Variants in SYT9 observed in about 807,000 individuals in gnomAD.
SYT9 encodes synaptotagmin 9, also known as synaptotagmin-9.
A neutral mutation model predicts 48.4 loss-of-function variants in SYT9; 22 were observed. The ratio of observed to expected loss-of-function variants is 0.45; its 90% CI spans 0.32 to 0.65. The LOEUF is 0.65. Among genes scored for constraint, SYT9 ranks in the 30% least tolerant of loss-of-function variants. SYT9 has a pLI of 0.03. For synonymous variants in SYT9, 265 were observed against 245.0 expected (o/e 1.08, Z -0.76); for missense variants, 577 against 622.0 (o/e 0.93, Z 0.77).
At position 7,407,676 on chromosome 11, in the gene SYT9, G is replaced by A. The variant is rs370429817; in HGVS notation, c.1045-8366G>A. Among the ~76,000 whole-genome samples the A allele has an allele frequency of 1.7e-4, 9 of 52,242 alleles. 1 individual carries two copies. The East Asian group carries it at 2.7e-3, about 15-fold the overall frequency. 34.3% of individuals were successfully genotyped at this position (52,242 alleles called of 152,430 possible). A position where few individuals can be genotyped will look rare whatever the true frequency, so the allele number is the denominator to read the frequency against. On this transcript the variant is annotated intron_variant, in intron 3 of 6. Coordinates refer to ENST00000318881, the MANE Select transcript of SYT9 (RefSeq NM_175733.4). ...ATTACAGGCGTGAGCCACCGCGCCC[G>A]GCCTTAAGTCTATAATTTATCTTCT...
intron 1 of SYT9, among the ~76,000 whole-genome samples, chr11:7,285,041 A>G (rs1848571134): frequency 6.6e-6 from 1 of 152,214 alleles, no homozygotes; most frequent in Non-Finnish European, 1.5e-5. Context: ...ACAAAAACTC[A>G]GCATGAGTTT....
chr11:7,367,561 C>A (rs1489152549), intron 3 of SYT9, among the ~76,000 whole-genome samples: 6 of 152,038 alleles, frequency 3.9e-5, no homozygotes, highest in Admixed American at 2.0e-4. Flanking sequence ...AACATTAATG[C>A]AGTTAAACAT....
intron 1 of SYT9, among the ~76,000 whole-genome samples, chr11:7,242,300 A>T (rs1449478622): frequency 6.6e-6 from 1 of 152,152 alleles, no homozygotes; most frequent in Non-Finnish European, 1.5e-5. Flanking sequence ...CAGCTTCATG[A>T]TGTGAGCTCT....
chr11:7,332,881 G>T (rs1328688104), intron 3 of SYT9, among the ~76,000 whole-genome samples: 1 of 152,218 alleles, frequency 6.6e-6, no homozygotes. Flanking sequence ...TCTGAAGAAA[G>T]GTGAGACCAG....
intron 6 of SYT9, among the ~76,000 whole-genome samples, chr11:7,465,045 G>A (rs564770748): frequency 3.9e-5 from 6 of 152,054 alleles, no homozygotes; most frequent in South Asian, 4.2e-4. Context: ...TCGAGATTGC[G>A]CCACTGCACT....
intron 1 of SYT9, among the ~76,000 whole-genome samples, chr11:7,277,117 T>A (rs1848411918): frequency 6.6e-6 from 1 of 152,116 alleles, no homozygotes; most frequent in Admixed American, 6.5e-5. Context: ...CCTCCTTCAT[T>A]AGATCAGATT....
At chr11:7,342,570 T>C (rs1043633590) in intron 3 of SYT9, among the ~76,000 whole-genome samples, 2 of 152,214 alleles carry the variant, frequency 1.3e-5, no homozygotes, top group East Asian at 1.9e-4. Flanking sequence ...GCTCTGCCCC[T>C]GTGGCTTTGC....
At chr11:7,361,726 T>A (rs1850140626) in intron 3 of SYT9, among the ~76,000 whole-genome samples, 1 of 152,200 alleles carries the variant, frequency 6.6e-6, no homozygotes, top group Non-Finnish European at 1.5e-5. Context: ...TTCCTTATAT[T>A]ATTATGTTGG....
intron 2 of SYT9, among the ~76,000 whole-genome samples, chr11:7,309,041 G>C (rs952804082): frequency 3.3e-5 from 5 of 152,152 alleles, no homozygotes; most frequent in Non-Finnish European, 5.9e-5. Flanking sequence ...TTTTGAGTTT[G>C]TTTTGGGAAA....
intron 3 of SYT9, among the ~76,000 whole-genome samples, chr11:7,347,274 C>T (rs1182833563): frequency 6.6e-6 from 1 of 152,172 alleles, no homozygotes; most frequent in Non-Finnish European, 1.5e-5. Context: ...GCTTGTCCCC[C>T]AGGCTGGAGT....
At chr11:7,433,934 GT>G (rs1847657308) in intron 6 of SYT9, among the ~76,000 whole-genome samples, 1 of 152,188 alleles carries the variant, frequency 6.6e-6, no homozygotes, top group Admixed American at 6.5e-5. Context: ...ATAAGGCTGA[GT>G]TGGAGCCAGC....
rs146120187 is a variant in SYT9 at position 7,334,896 on chromosome 11, G to T, written c.1044+20955G>T. On this transcript the variant is annotated intron_variant, in intron 3 of 6. Transcript: ENST00000318881. Reference sequence around the variant, plus strand: ...TCCCTTGCCTATTAATGAACATTTGGGTTATTTTCAGTTTGAGATATTACA... The same window carrying T: ...TCCCTTGCCTATTAATGAACATTTGTGTTATTTTCAGTTTGAGATATTACA... Among the ~76,000 whole-genome samples the T allele has an allele frequency of 1.8e-4, 27 of 152,094 alleles. No individual in the cohort carries two copies. In the Middle Eastern group the frequency reaches 0.02, roughly 115 times the overall value.
chr11:7,434,899 T>C (rs1476790654), intron 6 of SYT9: 1 of 152,220 alleles, frequency 6.6e-6, no homozygotes, highest in Non-Finnish European at 1.5e-5. Context: ...CTGGGGCTAA[T>C]GGCTCTTCTC....
At chr11:7,294,289 C>T (rs966186453) in intron 1 of SYT9, among the ~76,000 whole-genome samples, 1 of 152,160 alleles carries the variant, frequency 6.6e-6, no homozygotes, top group African/African-American at 2.4e-5. Flanking sequence ...CTGCTAGCCA[C>T]CCAAAATCTA....
At chr11:7,377,755 C>T (rs749792081) in intron 3 of SYT9, among the ~76,000 whole-genome samples, 27 of 152,224 alleles carry the variant, frequency 1.8e-4, no homozygotes, top group African/African-American at 6.5e-4. Flanking sequence ...AGAATATGGC[C>T]ACTTCCCTCT....
At chr11:7,339,712 G>C (rs922407858) in intron 3 of SYT9, among the ~76,000 whole-genome samples, 2 of 152,114 alleles carry the variant, frequency 1.3e-5, no homozygotes, top group Admixed American at 1.3e-4. Context: ...TAGAGTTTCT[G>C]CTGAGAAGTC....
At chr11:7,365,470 A>G (rs1225317956) in intron 3 of SYT9, among the ~76,000 whole-genome samples, 2 of 152,124 alleles carry the variant, frequency 1.3e-5, no homozygotes, top group Non-Finnish European at 2.9e-5. Context: ...CTTTAACTGT[A>G]GTTGGTATTT....
chr11:7,436,647 G>A (rs1847717065), intron 6 of SYT9, among the ~76,000 whole-genome samples: 1 of 150,876 alleles, frequency 6.6e-6, no homozygotes, highest in Admixed American at 6.6e-5. Context: ...TTTGTTTTTG[G>A]CCAAATTCTT....
At chr11:7,401,285 C>T (rs1245367485) in intron 3 of SYT9, among the ~76,000 whole-genome samples, 8 of 150,898 alleles carry the variant, frequency 5.3e-5, no homozygotes, top group African/African-American at 1.9e-4. Context: ...TATCCTGTCC[C>T]CAAGACATTT....
Sources: allele counts gnomAD v4.1 joint callset (sites outside exome capture counted in the v4.1 genomes callset), GRCh38; gene constraint gnomAD v4.1.1; transcripts MANE v1.5; gene names NCBI Gene and HGNC (gene_info 2026-07-23, HGNC 2026-07-21).